NKAIN3: variants seen among roughly 807,000 people sequenced by gnomAD.
The protein encoded by NKAIN3 is sodium/potassium-transporting ATPase subunit beta-1-interacting protein 3.
NKAIN3 carries 25 observed loss-of-function variants against 30.2 expected under a neutral mutation model. The observed-to-expected ratio is 0.83, with a 90% CI of 0.60 to 1.16. The LOEUF (loss-of-function observed/expected upper bound fraction) is 1.16. Among genes scored for constraint, NKAIN3 ranks in the 50% most tolerant of loss-of-function variants. The pLI is 0.00. For synonymous variants in NKAIN3, 91 were observed against 89.6 expected (o/e 1.02, Z -0.09); for missense variants, 225 against 254.1 (o/e 0.89, Z 0.78).
At chr8:62,693,111 T>C (rs565461556) in intron 3 of NKAIN3, among the ~76,000 whole-genome samples, 1 of 152,350 alleles carries the variant, frequency 6.6e-6, no homozygotes, top group Non-Finnish European at 1.5e-5. Context: ...TAATATGTTA[T>C]CAGTATCTGA....
rs1052070769 is a variant in NKAIN3 at position 62,978,912 on chromosome 8, G to C, written c.*13505G>C. ...ATGGGAAAAGCGTAGTATCTGGACC[G>C]GAGTGCACCCCCACTCACGGCATGG... On this transcript the variant is annotated 3_prime_UTR_variant, in exon 7 of 7. Coordinates refer to ENST00000623646, the MANE Select transcript of NKAIN3 (RefSeq NM_001304533.3). 6.5e-6 allele frequency: 1 copy of C among 153,642 alleles called. No individual in the cohort carries two copies. The highest frequency in any genetic ancestry group is 1.5e-5 in the Non-Finnish European group (1 of 68,308). 9.5% of individuals were successfully genotyped at this position (153,642 alleles called of 1,614,324 possible). A position where few individuals can be genotyped will look rare whatever the true frequency, so the allele number is the denominator to read the frequency against.
intron 1 of NKAIN3, among the ~76,000 whole-genome samples, chr8:62,367,629 T>C (rs192928617): frequency 1.3e-3 from 196 of 152,300 alleles, no homozygotes; most frequent in African/African-American, 4.3e-3. Flanking sequence ...ACAGCTAATA[T>C]TTATGCTCAA....
rs796278440 is a variant in NKAIN3, at chr8:62,965,630, A to G, written c.*223A>G. ...AACACTTGTAAGTTGTAAAAAAAAA[A>G]AAAAAAGAAAAAACAGAATTTGGTT... On this transcript the variant is annotated 3_prime_UTR_variant, in exon 7 of 7. Transcript: ENST00000623646. 3.0e-5 allele frequency: 29 copies of G among 977,628 alleles called. 2 individuals carry two copies. The African/African-American group carries it at 4.2e-4, about 14-fold the overall frequency. 60.6% of individuals were successfully genotyped at this position (977,628 alleles called of 1,614,324 possible). A position where few individuals can be genotyped will look rare whatever the true frequency, so the allele number is the denominator to read the frequency against.
chr8:62,860,963 G>A (rs941683243), intron 4 of NKAIN3, among the ~76,000 whole-genome samples: 2 of 152,230 alleles, frequency 1.3e-5, no homozygotes, highest in African/African-American at 4.8e-5. Context: ...GCCTTATGCT[G>A]AATGCTTACT....
At chr8:62,538,077 A>G (rs10100399) in intron 1 of NKAIN3, among the ~76,000 whole-genome samples, 4,935 of 152,248 alleles carry the variant, frequency 0.032, 221 homozygotes, top group African/African-American at 0.11. Context: ...AGGGAAAGGA[A>G]AACAGAGCCC....
chr8:62,732,449 T>G (rs1417599906), intron 3 of NKAIN3, among the ~76,000 whole-genome samples: 1 of 152,118 alleles, frequency 6.6e-6, no homozygotes, highest in African/African-American at 2.4e-5. Context: ...TGCATTATTG[T>G]CAGTCCACAT....
chr8:62,739,804 A>T (rs1318324272), intron 3 of NKAIN3, among the ~76,000 whole-genome samples: 1 of 152,176 alleles, frequency 6.6e-6, no homozygotes, highest in Non-Finnish European at 1.5e-5. Context: ...TAAAGATAAG[A>T]AAGAGGAGAT....
At chr8:62,534,403 T>C (rs1808585134) in intron 1 of NKAIN3, among the ~76,000 whole-genome samples, 1 of 152,162 alleles carries the variant, frequency 6.6e-6, no homozygotes, top group Non-Finnish European at 1.5e-5. Context: ...CTCGCAGTGC[T>C]GATATTGCCG....
intron 1 of NKAIN3, among the ~76,000 whole-genome samples, chr8:62,439,187 A>T (rs1206822566): frequency 6.6e-6 from 1 of 152,222 alleles, no homozygotes; most frequent in Non-Finnish European, 1.5e-5. Flanking sequence ...GATATGGTCC[A>T]CATTGGCACA....
At chr8:62,269,853 A>G (rs754066178) in intron 1 of NKAIN3, among the ~76,000 whole-genome samples, 109 of 152,246 alleles carry the variant, frequency 7.2e-4, no homozygotes, top group Non-Finnish European at 1.4e-3. Flanking sequence ...TAATTTCACG[A>G]GATTCACTGT....
intron 4 of NKAIN3, among the ~76,000 whole-genome samples, chr8:62,872,453 A>C (rs765668889): frequency 2.0e-5 from 3 of 152,220 alleles, no homozygotes; most frequent in Non-Finnish European, 2.9e-5. Flanking sequence ...AAGCTCATGC[A>C]CAACAGCTGA....
At chr8:62,423,611 C>T (rs1166419424) in intron 1 of NKAIN3, among the ~76,000 whole-genome samples, 1 of 151,648 alleles carries the variant, frequency 6.6e-6, no homozygotes, top group Admixed American at 6.6e-5. Flanking sequence ...TTTTTGGCTT[C>T]TTCGCAAGCT....
At chr8:62,583,368 T>C (rs1382634547) in intron 2 of NKAIN3, among the ~76,000 whole-genome samples, 1 of 152,212 alleles carries the variant, frequency 6.6e-6, no homozygotes, top group Non-Finnish European at 1.5e-5. Context: ...ATGTTTTTGC[T>C]CATCTTGATG....
At chr8:62,801,418 A>G (rs1563568239) in intron 4 of NKAIN3, among the ~76,000 whole-genome samples, 1 of 152,190 alleles carries the variant, frequency 6.6e-6, no homozygotes, top group East Asian at 1.9e-4. Flanking sequence ...TTCTGAGACA[A>G]AACTTCCAGA....
rs1040291823 is a variant in NKAIN3, at chr8:62,967,987, G to A, written c.*2580G>A. Among the ~76,000 whole-genome samples, 8 of 152,146 alleles carry A rather than the reference G, an allele frequency of 5.3e-5. No individual in the cohort carries two copies. Among genetic ancestry groups the A allele is most frequent in the Admixed American group, 4.6e-4 (7 of 15,272 alleles). ...GATTTGTCTATGAATATTCAATGTA[G>A]GCAACTATTTAATATGGTGTATATG... is the stretch of plus-strand genomic sequence containing the variant. On this transcript the variant is annotated 3_prime_UTR_variant, in exon 7 of 7. Coordinates refer to ENST00000623646, the MANE Select transcript of NKAIN3 (RefSeq NM_001304533.3).
intron 4 of NKAIN3, among the ~76,000 whole-genome samples, chr8:62,776,723 G>T (rs1182045849): frequency 1.3e-5 from 2 of 151,968 alleles, no homozygotes; most frequent in African/African-American, 2.4e-5. Flanking sequence ...TTCTACTCAA[G>T]TTGTGAGTAG....
At chr8:62,552,398 T>C (rs1183672835) in intron 1 of NKAIN3, among the ~76,000 whole-genome samples, 1 of 152,192 alleles carries the variant, frequency 6.6e-6, no homozygotes, top group East Asian at 1.9e-4. Flanking sequence ...AATGCAAAAC[T>C]TCCAAATTCT....
chr8:62,864,128 C>T, intron 4 of NKAIN3: 1 of 618,620 alleles, frequency 1.6e-6, no homozygotes, highest in Non-Finnish European at 2.9e-6. Flanking sequence ...GAGGTGATGG[C>T]GACGCGAGCG....
intron 3 of NKAIN3, among the ~76,000 whole-genome samples, chr8:62,660,953 C>T (rs574102188): frequency 6.6e-6 from 1 of 152,284 alleles, no homozygotes; most frequent in Admixed American, 6.5e-5. Flanking sequence ...TAGCCTTTCC[C>T]CACCTTATTC....
Sources: allele counts gnomAD v4.1 joint callset (sites outside exome capture counted in the v4.1 genomes callset), GRCh38; gene constraint gnomAD v4.1.1; transcripts MANE v1.5; gene names NCBI Gene and HGNC (gene_info 2026-07-23, HGNC 2026-07-21).